CNTNAP2: variants seen among roughly 807,000 people sequenced by gnomAD.
The protein encoded by CNTNAP2 is contactin associated protein 2.
A neutral mutation model predicts 155.2 loss-of-function variants in CNTNAP2; 98 were observed. The ratio of observed to expected loss-of-function variants is 0.63; its 90% CI spans 0.54 to 0.75. The LOEUF (loss-of-function observed/expected upper bound fraction) is 0.75. Among genes scored for constraint, CNTNAP2 ranks in the 30% least tolerant of loss-of-function variants. CNTNAP2 has a pLI of 0.00. For missense variants in CNTNAP2, 1,727 were observed against 1,688.1 expected, an observed-to-expected ratio of 1.02 and a Z score of -0.40; for synonymous variants, 651 against 631.2, an observed-to-expected ratio of 1.03 and a Z score of -0.47.
chr7:147,667,814 AAAAAATAAAATAAAAAAAT>A (rs1563045533), intron 13 of CNTNAP2, among the ~76,000 whole-genome samples: 2 of 145,588 alleles, frequency 1.4e-5, no homozygotes, highest in Non-Finnish European at 2.9e-5. Context: ...AAAATAATAA[AAAAAATAAAATAAAAAAAT>A]AAAAGATACC....
In CNTNAP2 at chr7:146,157,977, C is replaced by T. The variant is rs143722838; in HGVS notation, c.97+41004C>T. Among the ~76,000 whole-genome samples, 803 of 152,302 alleles carry T rather than the reference C, an allele frequency of 5.3e-3. 6 individuals carry two copies. Among genetic ancestry groups the T allele is most frequent in the African/African-American group, 0.018 (760 of 41,570 alleles). On this transcript the variant is annotated intron_variant, in intron 1 of 23. Coordinates refer to ENST00000361727, the MANE Select transcript of CNTNAP2 (RefSeq NM_014141.6). ...ACCCCCGAGTAGCCTAACTAGGAGA[C>T]ACCTCCCAGTAGGGGCCAACTGACA...
intron 15 of CNTNAP2, among the ~76,000 whole-genome samples, chr7:148,087,658 A>G (rs73744740): frequency 0.09 from 13,718 of 152,174 alleles, 911 homozygotes; most frequent in African/African-American, 0.19. Context: ...TCTAGCAATA[A>G]CAAGATGTCC....
intron 13 of CNTNAP2, among the ~76,000 whole-genome samples, chr7:147,700,228 G>A (rs1227445031): frequency 6.6e-6 from 1 of 152,106 alleles, no homozygotes; most frequent in African/African-American, 2.4e-5. Context: ...TATCAGTAAG[G>A]ATATGATGCT....
intron 1 of CNTNAP2, among the ~76,000 whole-genome samples, chr7:146,342,046 C>T (rs2129096765): frequency 1.3e-5 from 2 of 152,162 alleles, no homozygotes; most frequent in South Asian, 4.1e-4. Flanking sequence ...TTGAAATAAA[C>T]TCTAAATAAC....
intron 17 of CNTNAP2, among the ~76,000 whole-genome samples, chr7:148,169,213 A>T (rs183971205): frequency 1.7e-3 from 256 of 152,326 alleles, no homozygotes; most frequent in African/African-American, 5.7e-3. Context: ...TACTCAGCTC[A>T]CAGTATTTGA....
At chr7:147,703,211 T>G (rs1355924699) in intron 13 of CNTNAP2, among the ~76,000 whole-genome samples, 1 of 152,056 alleles carries the variant, frequency 6.6e-6, no homozygotes, top group Non-Finnish European at 1.5e-5. Context: ...AATTCCCAGA[T>G]CACTCTAATT....
chr7:146,897,625 G>C (rs937419233), intron 3 of CNTNAP2, among the ~76,000 whole-genome samples: 1 of 151,698 alleles, frequency 6.6e-6, no homozygotes, highest in Non-Finnish European at 1.5e-5. Context: ...TTCTGCTGTG[G>C]AAACCTTTTG....
At chr7:146,438,378 C>T (rs914732449) in intron 1 of CNTNAP2, among the ~76,000 whole-genome samples, 6 of 150,174 alleles carry the variant, frequency 4.0e-5, no homozygotes, top group African/African-American at 1.5e-4. Context: ...GGTTTTTCAT[C>T]TTATTTATTT....
chr7:147,148,898 A>T lies in CNTNAP2; in HGVS notation c.1348+16389A>T, dbSNP rs190518447. Among the ~76,000 whole-genome samples, 29 of 152,322 alleles carry T rather than the reference A, an allele frequency of 1.9e-4. 1 individual carries two copies. The highest frequency in any genetic ancestry group is 6.5e-4 in the African/African-American group (27 of 41,560). ...GTTCATGGTCTCACTGACTTCAGGA[A>T]TGAAGCCGCAGACCCTTGTGGTGGG... is the stretch of plus-strand genomic sequence containing the variant. On this transcript the variant is annotated intron_variant, in intron 8 of 23. Coordinates refer to ENST00000361727, the MANE Select transcript of CNTNAP2 (RefSeq NM_014141.6).
intron 18 of CNTNAP2, 56 bp downstream of exon 18, chr7:148,172,534 A>G: frequency 7.1e-7 from 1 of 1,408,780 alleles, no homozygotes; most frequent in South Asian, 1.2e-5. Flanking sequence ...AGCCCAAATC[A>G]TCTATTTAAT....
chr7:147,150,775 A>G (rs914155799), intron 8 of CNTNAP2, among the ~76,000 whole-genome samples: 1 of 152,198 alleles, frequency 6.6e-6, no homozygotes, highest in African/African-American at 2.4e-5. Flanking sequence ...AGTACAAAAA[A>G]CAGAACAAGA....
intron 1 of CNTNAP2, among the ~76,000 whole-genome samples, chr7:146,130,347 G>A (rs943611512): frequency 1.5e-4 from 23 of 152,126 alleles, no homozygotes; most frequent in Non-Finnish European, 8.8e-5. Context: ...TGTCTGTACT[G>A]TAGTCCTAGC....
At chr7:146,311,475 A>T (rs10281206) in intron 1 of CNTNAP2, among the ~76,000 whole-genome samples, 12,774 of 151,988 alleles carry the variant, frequency 0.084, 1,507 homozygotes, top group African/African-American at 0.27. Context: ...TATTAAAAAT[A>T]TGAGATTTTA....
intron 13 of CNTNAP2, among the ~76,000 whole-genome samples, chr7:147,644,037 C>T (rs749605684): frequency 2.0e-5 from 3 of 152,044 alleles, no homozygotes; most frequent in African/African-American, 4.8e-5. Flanking sequence ...TGTCCATTCT[C>T]GCAATGTAAC....
At chr7:146,345,757 A>C (rs1360847652) in intron 1 of CNTNAP2, among the ~76,000 whole-genome samples, 2 of 152,206 alleles carry the variant, frequency 1.3e-5, no homozygotes, top group African/African-American at 4.8e-5. Context: ...AAACCAAAAG[A>C]AAATGGTATT....
intron 15 of CNTNAP2, among the ~76,000 whole-genome samples, chr7:148,071,860 G>A (rs562669013): frequency 1.3e-5 from 2 of 152,292 alleles, no homozygotes; most frequent in East Asian, 3.9e-4. Context: ...AGAAGCTGGA[G>A]AAGTCATTTG....
intron 13 of CNTNAP2, among the ~76,000 whole-genome samples, chr7:147,659,707 C>T (rs1208709734): frequency 6.6e-6 from 1 of 151,900 alleles, no homozygotes; most frequent in Non-Finnish European, 1.5e-5. Flanking sequence ...GTAGATTTAC[C>T]CCTGGGAAGG....
chr7:147,913,049 T>G (rs930967804), intron 14 of CNTNAP2, among the ~76,000 whole-genome samples: 7 of 152,194 alleles, frequency 4.6e-5, no homozygotes, highest in Non-Finnish European at 2.9e-5. Context: ...CAAGTTTTAT[T>G]TCATGATGTC....
intron 1 of CNTNAP2, among the ~76,000 whole-genome samples, chr7:146,372,212 T>C (rs923400253): frequency 2.0e-5 from 3 of 152,186 alleles, no homozygotes; most frequent in Admixed American, 1.3e-4. Context: ...GCCATATCTT[T>C]ATCTTGAGTA....
Sources: allele counts gnomAD v4.1 joint callset (sites outside exome capture counted in the v4.1 genomes callset), GRCh38; gene constraint gnomAD v4.1.1; transcripts MANE v1.5; gene names NCBI Gene and HGNC (gene_info 2026-07-23, HGNC 2026-07-21).